The following ALKAL1 variants were observed in gnomAD, a reference collection of about 807,000 sequenced individuals.
ALKAL1 encodes ALK and LTK ligand 1.
ALKAL1 carries 23 observed loss-of-function variants against 13.5 expected under a neutral mutation model. The observed-to-expected ratio is 1.70, with a 90% CI of 1.23 to 2.41. The LOEUF is 2.41. ALKAL1 is among the 30% of genes most tolerant of loss of function. The pLI is 0.00. For synonymous variants in ALKAL1, 85 were observed against 77.7 expected (o/e 1.09, Z -0.49); for missense variants, 181 against 178.4 (o/e 1.01, Z -0.08).
rs76331523 is a variant in ALKAL1, at chr8:52,544,117, G to A, written c.191-1672C>T. Among the ~76,000 whole-genome samples the A allele has an allele frequency of 5.0e-3, 762 of 152,064 alleles. 12 individuals are homozygous for A. Among genetic ancestry groups the A allele is most frequent in the African/African-American group, 0.017 (717 of 41,470 alleles). On this transcript the variant is annotated intron_variant, in intron 1 of 4. Transcript: ENST00000358543. ...CGGTCTTGTCCCCCTGTACAACCCG[G>A]CTTTGCTGGCAGAGGCACCTGGCAC... is the stretch of plus-strand genomic sequence containing the variant.
At chr8:52,557,376 C>T (rs773907041) in intron 1 of ALKAL1, among the ~76,000 whole-genome samples, 9 of 152,144 alleles carry the variant, frequency 5.9e-5, no homozygotes, top group Non-Finnish European at 1.3e-4. Flanking sequence ...AGAGATCCAC[C>T]CCTTCCCAAT....
At chr8:52,551,879 C>T (rs994804259) in intron 1 of ALKAL1, among the ~76,000 whole-genome samples, 32 of 152,174 alleles carry the variant, frequency 2.1e-4, no homozygotes, top group African/African-American at 7.2e-4. Flanking sequence ...GTTTTAGATG[C>T]ACAGAAAAAT....
At chr8:52,553,938 A>G (rs1374712364) in intron 1 of ALKAL1, among the ~76,000 whole-genome samples, 2 of 152,210 alleles carry the variant, frequency 1.3e-5, no homozygotes, top group Non-Finnish European at 2.9e-5. Flanking sequence ...AAATGCTAAA[A>G]CAGGGCCGGG....
chr8:52,539,388 A>G (rs1243986471), intron 3 of ALKAL1, among the ~76,000 whole-genome samples: 4 of 152,214 alleles, frequency 2.6e-5, no homozygotes, highest in Non-Finnish European at 4.4e-5. Flanking sequence ...CAACCTTTAC[A>G]TGCTATCATT....
intron 2 of ALKAL1, among the ~76,000 whole-genome samples, chr8:52,540,666 T>A (rs912230151): frequency 5.9e-5 from 9 of 152,148 alleles, no homozygotes; most frequent in African/African-American, 2.2e-4. Flanking sequence ...GCCCAGGAGA[T>A]GGAGGCTGCA....
At chr8:52,545,971 C>T (rs13255934) in intron 1 of ALKAL1, among the ~76,000 whole-genome samples, 29,580 of 152,148 alleles carry the variant, frequency 0.19, 3,822 homozygotes, top group East Asian at 0.64. Flanking sequence ...TATGGTATAG[C>T]CTATTGCTCC....
intron 4 of ALKAL1, among the ~76,000 whole-genome samples, chr8:52,536,190 C>T (rs369203313): frequency 6.6e-6 from 1 of 152,162 alleles, no homozygotes; most frequent in Non-Finnish European, 1.5e-5. Flanking sequence ...CCACCCGCCT[C>T]GGCGTCCCAA....
chr8:52,553,210 T>C (rs1847446560), intron 1 of ALKAL1, among the ~76,000 whole-genome samples: 1 of 151,980 alleles, frequency 6.6e-6, no homozygotes, highest in South Asian at 2.1e-4. Context: ...GAGCTGAGCA[T>C]GGTGGTGCAT....
intron 1 of ALKAL1, among the ~76,000 whole-genome samples, chr8:52,549,577 G>A (rs908967480): frequency 6.6e-6 from 1 of 151,838 alleles, no homozygotes; most frequent in Non-Finnish European, 1.5e-5. Flanking sequence ...TTGAAAAAGG[G>A]CCGACTCTAG....
At position 52,565,061 on chromosome 8, in the gene ALKAL1, T is replaced by C; in HGVS notation, c.190+6A>G. On this transcript the variant is annotated splice_donor_region_variant and intron_variant, in intron 1 of 4. Coordinates refer to ENST00000358543, the MANE Select transcript of ALKAL1 (RefSeq NM_207413.4). ...CAAAGGATGGGGCGGGATGGGGACA[T>C]CGTACCTGCGCTCCGGGAGCCGCTG... The C allele has an allele frequency of 1.1e-5, 15 of 1,387,660 alleles. No individual in the cohort carries two copies. Among genetic ancestry groups the C allele is most frequent in the Middle Eastern group, 2.2e-4 (1 of 4,494 alleles). The allele number at this position is 1,387,660 out of a possible 1,614,324, so 86.0% of individuals were successfully genotyped here.
At chr8:52,556,374 G>A (rs967779316) in intron 1 of ALKAL1, among the ~76,000 whole-genome samples, 3 of 152,098 alleles carry the variant, frequency 2.0e-5, no homozygotes, top group East Asian at 1.9e-4. Flanking sequence ...TAGGCCGGGC[G>A]CGGTGGCTCA....
At position 52,534,402 on chromosome 8, in the gene ALKAL1, T is replaced by C; in HGVS notation, c.*211A>G. 2.6e-6 allele frequency: 1 copy of C among 380,544 alleles called. No homozygotes were observed. Among genetic ancestry groups the C allele is most frequent in the Non-Finnish European group, 4.6e-6 (1 of 215,756 alleles). 23.6% of individuals were successfully genotyped at this position (380,544 alleles called of 1,614,324 possible). A position where few individuals can be genotyped will look rare whatever the true frequency, so the allele number is the denominator to read the frequency against. On this transcript the variant is annotated 3_prime_UTR_variant, in exon 5 of 5. Transcript: ENST00000358543. ...CGATTCAAACTCTGTTTTACAAAAT[T>C]ATAAATTACTGTATACACAAAAAGA... is the stretch of plus-strand genomic sequence containing the variant.
chr8:52,540,959 C>A (rs984930652), intron 2 of ALKAL1, among the ~76,000 whole-genome samples: 1 of 152,112 alleles, frequency 6.6e-6, no homozygotes. Context: ...AGTGGGCAAA[C>A]CACATCTTTC....
intron 1 of ALKAL1, among the ~76,000 whole-genome samples, chr8:52,552,991 A>G (rs112572834): frequency 2.4e-3 from 358 of 152,310 alleles, no homozygotes; most frequent in Non-Finnish European, 2.8e-3. Flanking sequence ...TGTGTACGGT[A>G]TAAGTGAGCA....
At position 52,565,148 on chromosome 8, in the gene ALKAL1, C is replaced by T; in HGVS notation, c.109G>A (p.Val37Ile). The T allele has an allele frequency of 7.1e-7, 1 of 1,403,460 alleles. No individual in the cohort carries two copies. The allele number at this position is 1,403,460 out of a possible 1,614,324, so 86.9% of individuals were successfully genotyped here. A position where few individuals can be genotyped will look rare whatever the true frequency, so the allele number is the denominator to read the frequency against. ...GRPRGRRGAR[V>I]TDKEPKPLLF... ...AACGGCTTGGGCTCCTTATCCGTGA[C>T]GCGCGCTCCCCTGCGCCCCCGGGGC... The change falls in exon 1 of 5, where the codon GTC becomes ATC. Residue 37 changes from valine (V) to isoleucine (I), a missense_variant. By Grantham distance (29) the Val-to-Ile change is conservative. Transcript: ENST00000358543.
chr8:52,559,474 C>A (rs771595810), intron 1 of ALKAL1, among the ~76,000 whole-genome samples: 2 of 152,202 alleles, frequency 1.3e-5, no homozygotes, highest in Non-Finnish European at 2.9e-5. Context: ...AATATGCCAC[C>A]TTTCTCCTCC....
intron 4 of ALKAL1, among the ~76,000 whole-genome samples, chr8:52,536,286 T>G (rs1024202445): frequency 1.3e-5 from 2 of 152,202 alleles, no homozygotes; most frequent in African/African-American, 2.4e-5. Flanking sequence ...GGAACCCGTT[T>G]CCTTAAAAGG....
At chr8:52,560,956 T>C (rs1847543792) in intron 1 of ALKAL1, among the ~76,000 whole-genome samples, 2 of 152,098 alleles carry the variant, frequency 1.3e-5, no homozygotes, top group African/African-American at 4.8e-5. Flanking sequence ...ATAATAAAAA[T>C]ATTAAAATGG....
At chr8:52,547,237 C>T (rs1847378757) in intron 1 of ALKAL1, among the ~76,000 whole-genome samples, 1 of 152,168 alleles carries the variant, frequency 6.6e-6, no homozygotes, top group Non-Finnish European at 1.5e-5. Context: ...GTGGCTCACG[C>T]CCATAATTCC....
Sources: gnomAD v4.1 joint callset for allele counts (sites outside exome capture counted in the v4.1 genomes callset) on GRCh38, gnomAD v4.1.1 for gene constraint, MANE v1.5 for transcripts, NCBI Gene and HGNC (gene_info 2026-07-23, HGNC 2026-07-21) for gene names.